PPP4R1: variants seen among roughly 807,000 people sequenced by gnomAD.
The protein encoded by PPP4R1 is protein phosphatase 4 regulatory subunit 1, also known as serine/threonine-protein phosphatase 4 regulatory subunit 1.
PPP4R1 carries 42 observed loss-of-function variants against 111.2 expected under a neutral mutation model. That is an observed-to-expected ratio of 0.38 (90% CI 0.29 to 0.49). PPP4R1 has a LOEUF of 0.49. PPP4R1 is among the 20% of genes least tolerant of loss of function. The pLI is 0.97. For synonymous variants in PPP4R1, 409 were observed against 405.5 expected (o/e 1.01, Z -0.10); for missense variants, 1,012 against 1,161.6 (o/e 0.87, Z 1.87).
intron 2 of PPP4R1, among the ~76,000 whole-genome samples, chr18:9,602,820 C>CAAAAAAAAAAAAA (rs536444961): frequency 5.5e-5 from 8 of 144,604 alleles, no homozygotes; most frequent in African/African-American, 1.3e-4. Context: ...GACACTGTCT[C>CAAAAAAAAAAAAA]AAAAAAAAAG....
At chr18:9,598,040 A>G (rs2067318394) in intron 2 of PPP4R1, among the ~76,000 whole-genome samples, 1 of 152,174 alleles carries the variant, frequency 6.6e-6, no homozygotes, top group South Asian at 2.1e-4. Flanking sequence ...AAGATATGAA[A>G]AATACACGGG....
At chr18:9,592,255 A>G (rs2067223371) in intron 4 of PPP4R1, among the ~76,000 whole-genome samples, 1 of 152,118 alleles carries the variant, frequency 6.6e-6, no homozygotes. Flanking sequence ...TTAACAGCCT[A>G]ATTTTTCTAA....
At chr18:9,564,586 T>C (rs1447427212) in intron 11 of PPP4R1, among the ~76,000 whole-genome samples, 1 of 152,138 alleles carries the variant, frequency 6.6e-6, no homozygotes, top group Non-Finnish European at 1.5e-5. Context: ...ACCCTTTTAA[T>C]CACTTCAGCC....
intron 19 of PPP4R1, 91 bp downstream of exon 19, chr18:9,549,106 C>T: frequency 6.9e-7 from 1 of 1,439,840 alleles, no homozygotes; most frequent in South Asian, 1.2e-5. Context: ...TCTGAGCAGA[C>T]AATACTTCTG....
intron 12 of PPP4R1, among the ~76,000 whole-genome samples, chr18:9,562,699 C>T (rs1219929118): frequency 2.6e-5 from 4 of 152,284 alleles, no homozygotes; most frequent in Middle Eastern, 6.8e-3. Flanking sequence ...CCAGTGTGTG[C>T]AGGTACTCTT....
intron 13 of PPP4R1, 140 bp from the exon 14 acceptor site, chr18:9,559,744 A>T: frequency 6.0e-6 from 3 of 501,990 alleles, no homozygotes; most frequent in Non-Finnish European, 9.2e-6. Flanking sequence ...CCAATGTCAA[A>T]TGTTCAGGTA....
intron 15 of PPP4R1, among the ~76,000 whole-genome samples, chr18:9,554,983 T>A (rs754211307): frequency 1.3e-5 from 2 of 152,210 alleles, no homozygotes; most frequent in Non-Finnish European, 2.9e-5. Flanking sequence ...CAGGTTATTT[T>A]TACATGGGAA....
chr18:9,582,737 T>C (rs985214341), intron 9 of PPP4R1, among the ~76,000 whole-genome samples: 2 of 152,182 alleles, frequency 1.3e-5, no homozygotes, highest in Admixed American at 1.3e-4. Flanking sequence ...CTACAGACTA[T>C]TATCTCTCAT....
intron 2 of PPP4R1, among the ~76,000 whole-genome samples, chr18:9,603,834 G>A (rs770927982): frequency 2.0e-4 from 31 of 152,040 alleles, no homozygotes; most frequent in Non-Finnish European, 5.9e-5. Context: ...AAATGTGACT[G>A]GGCAATCAAC....
chr18:9,597,629 A>C (rs988546120), intron 2 of PPP4R1, among the ~76,000 whole-genome samples: 8 of 152,374 alleles, frequency 5.3e-5, no homozygotes, highest in South Asian at 4.1e-4. Context: ...ATGAGGCAAA[A>C]CGCCTAAGAA....
At chr18:9,563,812 T>C (rs1028359375) in intron 11 of PPP4R1, 1 of 273,660 alleles carries the variant, frequency 3.7e-6, no homozygotes, top group African/African-American at 2.2e-5. Context: ...AGAGAAATGC[T>C]ATCTAGTTGC....
intron 19 of PPP4R1, 43 bp downstream of exon 19, chr18:9,549,154 C>G: frequency 6.3e-7 from 1 of 1,593,510 alleles, no homozygotes; most frequent in African/African-American, 1.3e-5. Flanking sequence ...CCACAGACCT[C>G]CTTCTCTACT....
chr18:9,549,697 T>C, intron 18 of PPP4R1: 1 of 458,174 alleles, frequency 2.2e-6, no homozygotes, highest in Non-Finnish European at 4.0e-6. Context: ...TAATATGCAG[T>C]GAGGAACAGT....
chr18:9,556,164 C>A (rs2145010880), intron 15 of PPP4R1, among the ~76,000 whole-genome samples: 1 of 148,742 alleles, frequency 6.7e-6, no homozygotes, highest in Middle Eastern at 3.4e-3. Context: ...CGAATATGAT[C>A]TACATAAAAT....
At chr18:9,596,335 G>T (rs551085448) in intron 2 of PPP4R1, among the ~76,000 whole-genome samples, 115 of 152,256 alleles carry the variant, frequency 7.6e-4, no homozygotes, top group African/African-American at 2.6e-3. Context: ...AGCTTTCCAA[G>T]AAATTTTTAT....
At chr18:9,559,726 G>T in intron 13 of PPP4R1, 122 bp from the exon 14 acceptor site, 1 of 659,152 alleles carries the variant, frequency 1.5e-6, no homozygotes, top group Non-Finnish European at 2.2e-6. Flanking sequence ...TCAAATAGTT[G>T]AGAAAAACCA....
intron 4 of PPP4R1, among the ~76,000 whole-genome samples, chr18:9,591,811 A>G (rs1224515932): frequency 6.6e-6 from 1 of 152,196 alleles, no homozygotes; most frequent in African/African-American, 2.4e-5. Context: ...TCATGCCTGT[A>G]ATCTCAGCAC....
chr18:9,605,993 AT>A (rs1472941229), intron 2 of PPP4R1, among the ~76,000 whole-genome samples: 1 of 152,212 alleles, frequency 6.6e-6, no homozygotes, highest in Non-Finnish European at 1.5e-5. Flanking sequence ...TAACAGCTTA[AT>A]TCAGGTGAAG....
intron 16 of PPP4R1, chr18:9,550,701 C>G (rs1156900374): frequency 7.3e-6 from 2 of 274,748 alleles, no homozygotes; most frequent in East Asian, 1.9e-4. Flanking sequence ...GAACATGGCC[C>G]ACACTGATCC....
Sources: gnomAD v4.1 joint callset for allele counts (sites outside exome capture counted in the v4.1 genomes callset) on GRCh38, gnomAD v4.1.1 for gene constraint, MANE v1.5 for transcripts, NCBI Gene and HGNC (gene_info 2026-07-23, HGNC 2026-07-21) for gene names.